Variants in IFI27 observed in about 807,000 individuals in gnomAD.
IFI27 encodes interferon alpha inducible protein 27, also known as interferon alpha-inducible protein 27, mitochondrial.
In IFI27, 3 loss-of-function variants were observed where a neutral mutation model predicts 8.9. The observed-to-expected ratio is 0.34, with a 90% CI of 0.15 to 0.87. The LOEUF (loss-of-function observed/expected upper bound fraction) is 0.87. Ranked by LOEUF, IFI27 falls within the 40% of genes least tolerant of loss-of-function variation. The probability of loss-of-function intolerance (pLI) is 0.51; values close to 1 mark genes in which losing one functional copy is unlikely to be tolerated. For missense variants in IFI27, 152 were observed against 157.7 expected (o/e 0.96, Z 0.19); for synonymous variants, 66 against 67.3 (o/e 0.98, Z 0.09).
chr14:94,106,038 A>G (rs1019707873), upstream of IFI27: 1 of 152,244 alleles, frequency 6.6e-6, no homozygotes, highest in African/African-American at 2.4e-5. Flanking sequence ...AGAAGCTGGG[A>G]AGTCCAAGAT....
At chr14:94,108,036 T>G (rs746365091), upstream of IFI27, among the ~76,000 whole-genome samples, 1 of 152,204 alleles carries the variant, frequency 6.6e-6, no homozygotes, top group Admixed American at 6.5e-5. Flanking sequence ...CCCCTCCCTG[T>G]GTCCATGTGT....
Position 94,111,717 on chromosome 14 carries a change from C to A in IFI27, c.35C>A (p.Thr12Asn). The A allele has an allele frequency of 1.9e-6, 3 of 1,614,228 alleles. No homozygotes were observed. The highest frequency in any genetic ancestry group is 1.7e-6 in the Non-Finnish European group (2 of 1,180,024). The change falls in exon 2 of 5, where the codon ACC (threonine) becomes AAC (asparagine). Residue 12 changes from threonine to asparagine, a missense_variant. Thr to Asn is a moderately conservative substitution (Grantham distance 65). Transcript: ENST00000621160. The surrounding 1 kb of genome is among the most constrained non-coding windows in gnomAD (Gnocchi z 4.3). ...TCTGCTCTCACCTCATCAGCAGTGA[C>A]CAGTGTGGCCAAAGTGGTCAGGGTG... is the stretch of plus-strand genomic sequence containing the variant.
upstream of IFI27, among the ~76,000 whole-genome samples, chr14:94,108,754 A>G (rs925285013): frequency 0.016 from 874 of 54,546 alleles, 8 homozygotes; most frequent in African/African-American, 0.09. Flanking sequence ...TGTCAACATA[A>G]AAAAAAAAAA....
In IFI27 at chr14:94,111,470, T is replaced by C. The variant is rs1003925666; in HGVS notation, c.-58-155T>C. Among the ~76,000 whole-genome samples, 3 of 151,426 alleles carry C rather than the reference T, an allele frequency of 2.0e-5. No individual in the cohort carries two copies. The highest frequency in any genetic ancestry group is 2.0e-4 in the Admixed American group (3 of 15,220). ...GGTAGCCCCAACTCCCCAACATCCC[T>C]CCCTCCCTCACCCCAGGATCCTTTC... On this transcript the variant is annotated intron_variant, in intron 1 of 4. Transcript: ENST00000621160. The surrounding 1 kb of genome is among the most constrained non-coding windows in gnomAD (Gnocchi z 4.3).
chr14:94,116,374 C>A lies in IFI27; in HGVS notation c.284-68C>A. ...TGAGGGTCACTGGAGTCTCTGACCCCACAGTCCTGCCCACAGAGCTTCCCC... is the reference window on the plus strand; with the variant it reads ...TGAGGGTCACTGGAGTCTCTGACCCAACAGTCCTGCCCACAGAGCTTCCCC... On this transcript the variant is annotated intron_variant, in intron 4 of 4. Coordinates refer to ENST00000621160, the Ensembl canonical transcript of IFI27. This position sits in a 1 kb window ranked among gnomAD's most constrained non-coding sequence, Gnocchi z 4.3. 8.9e-7 allele frequency: 1 copy of A among 1,129,354 alleles called. No individual in the cohort carries two copies. Among genetic ancestry groups the A allele is most frequent in the South Asian group, 1.3e-5 (1 of 76,612 alleles). The allele number at this position is 1,129,354 out of a possible 1,614,324, so 70.0% of individuals were successfully genotyped here. A position where few individuals can be genotyped will look rare whatever the true frequency, so the allele number is the denominator to read the frequency against.
intron 2 of IFI27, 114 bp from the exon 3 acceptor site, chr14:94,114,737 T>A (rs1048386750): frequency 4.7e-6 from 5 of 1,063,586 alleles, no homozygotes; most frequent in Non-Finnish European, 7.2e-6. Flanking sequence ...TCATCCCTTC[T>A]TGTGGCTCCC....
In IFI27 at chr14:94,116,342, C is replaced by T. The variant is rs1460247075; in HGVS notation, c.284-100C>T. Reference sequence around the variant, plus strand: ...ACTGGGTGGGGTCTGTAAGCCTCAGCCCCTGCTGAGGGTCACTGGAGTCTC... The same window carrying T: ...ACTGGGTGGGGTCTGTAAGCCTCAGTCCCTGCTGAGGGTCACTGGAGTCTC... On this transcript the variant is annotated intron_variant, in intron 4 of 4. Coordinates refer to ENST00000621160, the Ensembl canonical transcript of IFI27. This position sits in a 1 kb window ranked among gnomAD's most constrained non-coding sequence, Gnocchi z 4.3. 2.6e-5 allele frequency: 21 copies of T among 812,466 alleles called. No homozygotes were observed. In the South Asian group the frequency reaches 3.1e-4, roughly 12 times the overall value. 50.3% of individuals were successfully genotyped at this position (812,466 alleles called of 1,614,324 possible). A position where few individuals can be genotyped will look rare whatever the true frequency, so the allele number is the denominator to read the frequency against.
chr14:94,112,732 CTCA>C (rs756189061), intron 2 of IFI27: 1 of 152,640 alleles, frequency 6.6e-6, no homozygotes, highest in Non-Finnish European at 1.5e-5. Flanking sequence ...CATCTCTCTC[CTCA>C]GACCCTTGCT....
intron 2 of IFI27, chr14:94,112,204 C>A: frequency 1.1e-5 from 2 of 177,140 alleles, no homozygotes; most frequent in Non-Finnish European, 2.4e-5. Flanking sequence ...TCACTTTTTT[C>A]ATTAGTTTCT....
chr14:94,110,205 A>G (rs906807554), upstream of IFI27, among the ~76,000 whole-genome samples: 16 of 152,184 alleles, frequency 1.1e-4, no homozygotes, highest in African/African-American at 1.2e-4. Flanking sequence ...GCTTCATCAA[A>G]TAACATTCTA....
At chr14:94,106,669 TA>T (rs1887019110), upstream of IFI27, among the ~76,000 whole-genome samples, 1 of 152,144 alleles carries the variant, frequency 6.6e-6, no homozygotes, top group African/African-American at 2.4e-5. Context: ...GAGTACTTTA[TA>T]AAGAAAAGAG....
upstream of IFI27, chr14:94,105,936 T>A (rs1365357315): frequency 6.6e-6 from 1 of 152,232 alleles, no homozygotes; most frequent in Non-Finnish European, 1.5e-5. Flanking sequence ...AATATCTCTT[T>A]AAGATCCGGT....
rs1268836216 is a variant in IFI27, at chr14:94,113,326, AC to A, written c.92-1522del. 2.6e-5 allele frequency: 4 copies of A among 152,248 alleles called. No homozygotes were observed. In the East Asian group the frequency reaches 7.7e-4, roughly 29 times the overall value. 9.4% of individuals were successfully genotyped at this position (152,248 alleles called of 1,614,324 possible). On this transcript the variant is annotated intron_variant, in intron 2 of 4. Transcript: ENST00000621160. ...AGACCAGCCTGGCCACCACGGTAAAACCCTGTCTCTACCAAAAATACAAATA... is the reference window on the plus strand; with the variant it reads ...AGACCAGCCTGGCCACCACGGTAAAACCTGTCTCTACCAAAAATACAAATA...
Position 94,111,375 on chromosome 14 carries a change from T to C in IFI27, c.-58-250T>C, listed in dbSNP as rs979545960. Among the ~76,000 whole-genome samples, 2 of 152,150 alleles carry C rather than the reference T, an allele frequency of 1.3e-5. No individual in the cohort carries two copies. The highest frequency in any genetic ancestry group is 4.8e-5 in the African/African-American group (2 of 41,426). ...GTCTAAGACATTGGCGCTGGGACTT[T>C]CAGGAGAAAGAAAGCAGCCCCCCTG... is the stretch of plus-strand genomic sequence containing the variant. On this transcript the variant is annotated intron_variant, in intron 1 of 4. Transcript: ENST00000621160. This position sits in a 1 kb window ranked among gnomAD's most constrained non-coding sequence, Gnocchi z 4.3.
At chr14:94,110,001 G>T (rs771690990), upstream of IFI27, among the ~76,000 whole-genome samples, 2 of 152,220 alleles carry the variant, frequency 1.3e-5, 1 homozygote, top group South Asian at 4.2e-4. Context: ...TGCTTTTGTG[G>T]CCTCACAGGG....
At position 94,116,272 on chromosome 14, in the gene IFI27, C is replaced by A; in HGVS notation, c.284-170C>A. ...TGGGGGTTCATGCCTGCAGCAGCCTCTCCCCAAACAAAGACCCCGAGGGTA... is the reference window on the plus strand; with the variant it reads ...TGGGGGTTCATGCCTGCAGCAGCCTATCCCCAAACAAAGACCCCGAGGGTA... On this transcript the variant is annotated intron_variant, in intron 4 of 4. Coordinates refer to ENST00000621160, the Ensembl canonical transcript of IFI27. The surrounding 1 kb of genome is among the most constrained non-coding windows in gnomAD (Gnocchi z 4.3). 1.5e-6 allele frequency: 1 copy of A among 646,840 alleles called. No individual in the cohort carries two copies. The highest frequency in any genetic ancestry group is 2.8e-6 in the Non-Finnish European group (1 of 360,826). 40.1% of individuals were successfully genotyped at this position (646,840 alleles called of 1,614,324 possible).
chr14:94,111,658 G>T lies in IFI27; in HGVS notation c.-25G>T. 1 of 1,602,086 alleles carries T rather than the reference G, an allele frequency of 6.2e-7. No homozygotes were observed. The highest frequency in any genetic ancestry group is 2.2e-5 in the East Asian group (1 of 44,834). ...GAAGTTGAGGATCTCTTACTCTCTA[G>T]GCCACGGAATTAACCCGAGCAGGCA... is the stretch of plus-strand genomic sequence containing the variant. On this transcript the variant is annotated 5_prime_UTR_variant, in exon 2 of 5. It adds an upstream start codon to the 5' untranslated region. Transcript: ENST00000621160. This position sits in a 1 kb window ranked among gnomAD's most constrained non-coding sequence, Gnocchi z 4.3.
chr14:94,109,368 A>G (rs1203164221), upstream of IFI27, among the ~76,000 whole-genome samples: 8 of 150,458 alleles, frequency 5.3e-5, no homozygotes, highest in Admixed American at 6.6e-5. Flanking sequence ...AAGGGCAGAG[A>G]AGGGCAGGGA....
At chr14:94,112,136 G>T in intron 2 of IFI27, 1 of 289,608 alleles carries the variant, frequency 3.5e-6, no homozygotes, top group Non-Finnish European at 6.5e-6. Flanking sequence ...TGTCAATAGG[G>T]CCCCGTGTCC....
Sources: allele counts gnomAD v4.1 joint callset (sites outside exome capture counted in the v4.1 genomes callset), GRCh38; gene constraint gnomAD v4.1.1; non-coding constraint Gnocchi (gnomAD v3.1); transcripts MANE v1.5; gene names NCBI Gene and HGNC (gene_info 2026-07-23, HGNC 2026-07-21).